Variants in PSD3 observed in about 807,000 individuals in gnomAD.
PSD3 encodes the protein PH and SEC7 domain-containing protein 3.
A neutral mutation model predicts 105.5 loss-of-function variants in PSD3; 49 were observed. That is an observed-to-expected ratio of 0.46 (90% CI 0.37 to 0.59). The LOEUF (loss-of-function observed/expected upper bound fraction) is 0.59, where lower values mean the gene tolerates loss of function less well. PSD3 is among the 20% of genes least tolerant of loss of function. The pLI, the probability that PSD3 is intolerant of heterozygous loss-of-function variation, is 0.00. For missense variants in PSD3, 1,561 were observed against 1,263.8 expected (o/e 1.24, Z -3.57); for synonymous variants, 557 against 457.8 (o/e 1.22, Z -2.77).
chr8:18,861,615 T>G (rs990899795), intron 4 of PSD3, among the ~76,000 whole-genome samples: 1 of 152,148 alleles, frequency 6.6e-6, no homozygotes, highest in African/African-American at 2.4e-5. Flanking sequence ...ATGCTTGAAC[T>G]CTCACAATCA....
At chr8:18,537,499 A>G (rs1050160988) in intron 15 of PSD3, among the ~76,000 whole-genome samples, 1 of 152,190 alleles carries the variant, frequency 6.6e-6, no homozygotes, top group Admixed American at 6.5e-5. Flanking sequence ...CTTTCACTAC[A>G]AAGACTGATA....
rs893185761 is a variant in PSD3, at chr8:18,707,972, C to T, written c.2173-52287G>A. ...GCAACAGAGGAAAGATTAGGCAATG[C>T]CACCTACATTTCCTTCTCTGCTCTT... On this transcript the variant is annotated intron_variant, in intron 9 of 15. Transcript: ENST00000327040. Among the ~76,000 whole-genome samples the T allele has an allele frequency of 3.3e-5, 5 of 152,190 alleles. No individual in the cohort carries two copies. The East Asian group carries it at 7.7e-4, about 23-fold the overall frequency.
In PSD3 at chr8:18,646,117, A is replaced by AAG. The variant is rs574534028; in HGVS notation, c.2216+9523_2216+9524dup. On this transcript the variant is annotated intron_variant, in intron 10 of 15. Coordinates refer to ENST00000327040, the MANE Select transcript of PSD3 (RefSeq NM_015310.4). ...ACTGAGAATGTTATTCTAGTATTTC[A>AAG]AGAGGCACAATAGCAACTTCTTCTT... Among the ~76,000 whole-genome samples the AAG allele has an allele frequency of 6.4e-4, 97 of 152,262 alleles. 3 individuals are homozygous for AAG. In the South Asian group the frequency reaches 0.019, roughly 30 times the overall value.
chr8:18,700,834 G>A (rs1424376244), intron 9 of PSD3, among the ~76,000 whole-genome samples: 1 of 152,104 alleles, frequency 6.6e-6, no homozygotes, highest in Non-Finnish European at 1.5e-5. Context: ...CTGACGCAAT[G>A]CCACCATCCT....
intron 9 of PSD3, among the ~76,000 whole-genome samples, chr8:18,698,174 T>C (rs10104216): frequency 0.14 from 21,629 of 152,144 alleles, 4,253 homozygotes; most frequent in African/African-American, 0.45. Flanking sequence ...TCATAGCTCA[T>C]TGTAACCTCG....
At chr8:18,730,836 A>G (rs10112395) in intron 9 of PSD3, among the ~76,000 whole-genome samples, 143,238 of 152,152 alleles carry the variant, frequency 0.94, 67,521 homozygotes, top group Middle Eastern at 0.96. Flanking sequence ...GTGTGTACTT[A>G]AAATATATGA....
chr8:18,622,457 C>T (rs1361759104), intron 11 of PSD3, among the ~76,000 whole-genome samples: 2 of 152,096 alleles, frequency 1.3e-5, no homozygotes, highest in Non-Finnish European at 2.9e-5. Flanking sequence ...GAGAATTTAA[C>T]AAACTTAACT....
intron 1 of PSD3, among the ~76,000 whole-genome samples, chr8:18,974,165 CAG>C (rs1824800796): frequency 6.6e-6 from 1 of 152,206 alleles, no homozygotes. Context: ...CATAGATTGT[CAG>C]AGTTAATCTT....
At chr8:18,750,056 A>C (rs1031760840) in intron 9 of PSD3, among the ~76,000 whole-genome samples, 1 of 152,216 alleles carries the variant, frequency 6.6e-6, no homozygotes, top group Admixed American at 6.5e-5. Context: ...ATAATGATCA[A>C]TCTGTGTTGT....
At chr8:18,792,499 G>A (rs979975520) in intron 8 of PSD3, among the ~76,000 whole-genome samples, 1 of 152,168 alleles carries the variant, frequency 6.6e-6, no homozygotes, top group Non-Finnish European at 1.5e-5. Context: ...ACTTGTAAGT[G>A]GGAGCTGAAT....
At position 18,752,585 on chromosome 8, in the gene PSD3, ATTATATATTATATATT is replaced by A. The variant is rs1563225673; in HGVS notation, c.2172+12848_2172+12863del. ...ATATATTATATATATAATTATATAT[ATTATATATTATATATT>A]ATATATAATACATATAATATATATT... On this transcript the variant is annotated intron_variant, in intron 9 of 15. Coordinates refer to ENST00000327040, the MANE Select transcript of PSD3 (RefSeq NM_015310.4). 7.4e-3 allele frequency among the ~76,000 whole-genome samples: 603 copies of A among 80,964 alleles called. 18 individuals carry two copies. The highest frequency in any genetic ancestry group is 0.036 in the African/African-American group (563 of 15,718). 53.1% of individuals were successfully genotyped at this position (80,964 alleles called of 152,430 possible). A position where few individuals can be genotyped will look rare whatever the true frequency, so the allele number is the denominator to read the frequency against.
intron 4 of PSD3, among the ~76,000 whole-genome samples, chr8:18,812,023 A>T (rs1586092506): frequency 1.3e-5 from 2 of 152,356 alleles, no homozygotes; most frequent in Admixed American, 6.5e-5. Context: ...GCTTACTAAT[A>T]GATGTGTGTG....
intron 10 of PSD3, among the ~76,000 whole-genome samples, chr8:18,643,365 G>C (rs1807792065): frequency 6.6e-6 from 1 of 152,148 alleles, no homozygotes; most frequent in Admixed American, 6.5e-5. Context: ...TGTGGCCTCT[G>C]AAATACATTC....
chr8:18,870,987 T>C (rs1490721382), intron 3 of PSD3, among the ~76,000 whole-genome samples: 1 of 152,104 alleles, frequency 6.6e-6, no homozygotes, highest in African/African-American at 2.4e-5. Flanking sequence ...TAGTCCCAGC[T>C]ACTCAGAGGG....
Position 18,872,250 on chromosome 8 carries a change from G to A in PSD3, c.614C>T (p.Thr205Met), listed in dbSNP as rs182238334. The change falls in exon 3 of 16, where the codon ACG becomes ATG. Residue 205 changes from threonine (T) to methionine (M), a missense_variant. Thr to Met is a moderately conservative substitution (Grantham distance 81). Transcript: ENST00000327040. ...PEIPLSAEVT[T>M]EESFYLSIQK... ...GATGCTCAAATAAAAACTTTCCTCC[G>A]TTGTTACTTCAGCTGAAAGAGGTAT... The A allele has an allele frequency of 4.6e-5, 75 of 1,614,038 alleles. No individual in the cohort carries two copies. Among genetic ancestry groups the A allele is most frequent in the Middle Eastern group, 1.6e-4 (1 of 6,084 alleles).
chr8:18,565,595 C>T (rs572550207), intron 14 of PSD3, among the ~76,000 whole-genome samples: 44 of 152,270 alleles, frequency 2.9e-4, no homozygotes, highest in African/African-American at 1.0e-3. Flanking sequence ...AATTGAACGT[C>T]TAATTTTTCC....
chr8:18,900,012 G>GA (rs1010031600), intron 2 of PSD3, among the ~76,000 whole-genome samples: 2 of 151,452 alleles, frequency 1.3e-5, no homozygotes, highest in Admixed American at 1.3e-4. Context: ...TTTTCTACAA[G>GA]AAAAAAAAGA....
chr8:18,666,141 C>A (rs1799437612), intron 9 of PSD3, among the ~76,000 whole-genome samples: 2 of 152,208 alleles, frequency 1.3e-5, no homozygotes, highest in African/African-American at 4.8e-5. Flanking sequence ...ACTTCTGCCT[C>A]CTGGGTTCAA....
intron 1 of PSD3, among the ~76,000 whole-genome samples, chr8:18,944,391 G>A (rs1822732640): frequency 6.6e-6 from 1 of 152,216 alleles, no homozygotes; most frequent in South Asian, 2.1e-4. Context: ...CCAACATGGT[G>A]AAACCCCCAT....
Sources: gnomAD v4.1 joint callset for allele counts (sites outside exome capture counted in the v4.1 genomes callset) on GRCh38, gnomAD v4.1.1 for gene constraint, MANE v1.5 for transcripts, NCBI Gene and HGNC (gene_info 2026-07-23, HGNC 2026-07-21) for gene names.